NPNT: variants seen among roughly 807,000 people sequenced by gnomAD.
The protein encoded by NPNT is preosteoblast EGF-like repeat protein with MAM domain.
In NPNT, 45 loss-of-function variants were observed where a neutral mutation model predicts 68.6. That is an observed-to-expected ratio of 0.66 (90% CI 0.52 to 0.84). The LOEUF (loss-of-function observed/expected upper bound fraction) is 0.84. Ranked by LOEUF, NPNT falls within the 40% of genes least tolerant of loss-of-function variation. The pLI, the probability that NPNT is intolerant of heterozygous loss-of-function variation, is 0.00. For synonymous variants in NPNT, 233 were observed against 253.3 expected, an observed-to-expected ratio of 0.92 and a Z score of 0.76; for missense variants, 672 against 714.8, an observed-to-expected ratio of 0.94 and a Z score of 0.68.
At chr4:105,943,705 C>T (rs535285614) in intron 8 of NPNT, among the ~76,000 whole-genome samples, 96 of 152,326 alleles carry the variant, frequency 6.3e-4, no homozygotes, top group African/African-American at 2.2e-3. Flanking sequence ...CCTTTGCATT[C>T]ACTCTTCCTG....
intron 2 of NPNT, among the ~76,000 whole-genome samples, chr4:105,925,137 G>A (rs1467763453): frequency 6.6e-6 from 1 of 152,116 alleles, no homozygotes; most frequent in East Asian, 1.9e-4. Context: ...CATCCGCCTA[G>A]TGTACAGTTG....
At chr4:105,927,481 C>A in intron 3 of NPNT, 53 bp downstream of exon 3, 2 of 1,055,290 alleles carry the variant, frequency 1.9e-6, no homozygotes, top group Admixed American at 2.2e-5. Flanking sequence ...CTATCACTCC[C>A]AAATTAAAAA....
At chr4:105,966,458 A>G (rs994368746) in intron 10 of NPNT, among the ~76,000 whole-genome samples, 2 of 152,190 alleles carry the variant, frequency 1.3e-5, no homozygotes, top group South Asian at 4.1e-4. Context: ...GTTCATGTAT[A>G]TATAATAGGA....
intron 1 of NPNT, among the ~76,000 whole-genome samples, 177 bp from the exon 2 acceptor site, chr4:105,897,724 A>G (rs1388491973): frequency 2.0e-5 from 3 of 152,220 alleles, no homozygotes; most frequent in Non-Finnish European, 2.9e-5. Context: ...ATTTGACATT[A>G]GATCATAGCA....
chr4:105,946,033 C>T (rs1346665897), intron 8 of NPNT, among the ~76,000 whole-genome samples: 1 of 152,082 alleles, frequency 6.6e-6, no homozygotes, highest in East Asian at 1.9e-4. Flanking sequence ...TGAGCAAAAC[C>T]AGAAATCAGA....
intron 2 of NPNT, among the ~76,000 whole-genome samples, chr4:105,916,321 T>A (rs1370106316): frequency 6.6e-6 from 1 of 151,912 alleles, no homozygotes; most frequent in African/African-American, 2.4e-5. Context: ...CCAGGTTCAA[T>A]GGACTCTCCT....
intron 3 of NPNT, among the ~76,000 whole-genome samples, chr4:105,933,410 G>A (rs1729272990): frequency 6.6e-6 from 1 of 152,146 alleles, no homozygotes; most frequent in South Asian, 2.1e-4. Context: ...ATAGGTTTAA[G>A]AACTTAGAAT....
At chr4:105,918,354 A>C (rs918003918) in intron 2 of NPNT, among the ~76,000 whole-genome samples, 10 of 152,186 alleles carry the variant, frequency 6.6e-5, no homozygotes, top group Non-Finnish European at 1.3e-4. Flanking sequence ...GGTTACATTA[A>C]AATTTTCTGG....
At chr4:105,897,865 G>A (rs1725994170) in intron 1 of NPNT, 36 bp from the exon 2 acceptor site, 2 of 1,504,480 alleles carry the variant, frequency 1.3e-6, no homozygotes, top group African/African-American at 1.4e-5. Flanking sequence ...CTTCTCAAAA[G>A]TGTCCTTATT....
Position 105,942,527 on chromosome 4 carries a change from A to T in NPNT, c.984A>T (p.Pro328=). 6.2e-7 allele frequency: 1 copy of T among 1,607,448 alleles called. No homozygotes were observed. The change falls in exon 8 of 12, where the codon CCA becomes CCT. Residue 328 remains proline, a synonymous_variant. Coordinates refer to ENST00000379987, the MANE Select transcript of NPNT (RefSeq NM_001033047.3). ...PTPKPTPIPT[P]PPPPPLPTEL... is the part of the protein sequence containing the mutation. ...CAAAGCCAACACCAATTCCTACTCC[A>T]CCACCACCACCACCCCTGCCAACAG...
Position 105,969,006 on chromosome 4 carries a change from C to T in NPNT, c.*16C>T. The T allele has an allele frequency of 7.0e-7, 1 of 1,422,238 alleles. No individual in the cohort carries two copies. The highest frequency in any genetic ancestry group is 2.5e-5 in the East Asian group (1 of 40,532). The allele number at this position is 1,422,238 out of a possible 1,614,324, so 88.1% of individuals were successfully genotyped here. ...AGAACGCTAACAACTCCAGAACTAA[C>T]AATGAACTCCTATGTTGCTCTATCC... On this transcript the variant is annotated 3_prime_UTR_variant, in exon 12 of 12. Transcript: ENST00000379987.
chr4:105,943,478 C>A (rs1487193147), intron 8 of NPNT, among the ~76,000 whole-genome samples: 1 of 152,160 alleles, frequency 6.6e-6, no homozygotes, highest in Non-Finnish European at 1.5e-5. Flanking sequence ...TAGACCTACA[C>A]TGGGGCTGGA....
In NPNT at chr4:105,968,850, A is replaced by T. The variant is rs771449490; in HGVS notation, c.1603-45A>T. 63 of 1,143,840 alleles carry T rather than the reference A, an allele frequency of 5.5e-5. 1 individual carries two copies. Among genetic ancestry groups the T allele is most frequent in the Non-Finnish European group, 2.6e-6 (2 of 772,964 alleles). 70.9% of individuals were successfully genotyped at this position (1,143,840 alleles called of 1,614,324 possible). On this transcript the variant is annotated intron_variant, in intron 11 of 11. Coordinates refer to ENST00000379987, the MANE Select transcript of NPNT (RefSeq NM_001033047.3). ...TTTTTGCTTAATAAGGAGGCATTAG[A>T]AAGGGGCAGAGGAGGCTTGACTGGT... is the stretch of plus-strand genomic sequence containing the variant.
intron 3 of NPNT, among the ~76,000 whole-genome samples, chr4:105,936,139 A>G (rs187550367): frequency 1.0e-3 from 157 of 152,334 alleles, no homozygotes; most frequent in Non-Finnish European, 4.6e-4. Flanking sequence ...TTCATAATGT[A>G]AAATTTGTTG....
intron 2 of NPNT, among the ~76,000 whole-genome samples, chr4:105,899,258 T>A (rs1362628601): frequency 6.6e-6 from 1 of 152,178 alleles, no homozygotes; most frequent in Non-Finnish European, 1.5e-5. Flanking sequence ...CTACCTGGTA[T>A]GGAATTTGAG....
At chr4:105,923,312 A>G (rs543224214) in intron 2 of NPNT, among the ~76,000 whole-genome samples, 1 of 149,938 alleles carries the variant, frequency 6.7e-6, no homozygotes, top group African/African-American at 2.4e-5. Context: ...ATGTAGAAAT[A>G]AAGTTTTTTT....
chr4:105,958,199 T>C (rs1180353900), intron 8 of NPNT, among the ~76,000 whole-genome samples: 1 of 152,202 alleles, frequency 6.6e-6, no homozygotes, highest in African/African-American at 2.4e-5. Flanking sequence ...TAAAATGTAT[T>C]TTCCAGATAA....
chr4:105,959,288 A>G (rs28560134), intron 10 of NPNT, among the ~76,000 whole-genome samples, 162 bp downstream of exon 10: 13,200 of 152,248 alleles, frequency 0.087, 710 homozygotes, highest in African/African-American at 0.15. Flanking sequence ...ATTTCTTTGA[A>G]AGAGTTAAAT....
In NPNT at chr4:105,970,703, T is replaced by G; in HGVS notation, c.*1713T>G. 2.1e-6 allele frequency: 1 copy of G among 473,366 alleles called. No homozygotes were observed. Among genetic ancestry groups the G allele is most frequent in the Non-Finnish European group, 3.9e-6 (1 of 255,986 alleles). The allele number at this position is 473,366 out of a possible 1,614,324, so 29.3% of individuals were successfully genotyped here. ...TTCTAAAAAATTAGATAAAAATTTG[T>G]CTATTTAAGATGGTTAAAGATGTTC... On this transcript the variant is annotated 3_prime_UTR_variant, in exon 12 of 12. Coordinates refer to ENST00000379987, the MANE Select transcript of NPNT (RefSeq NM_001033047.3).
Sources: gnomAD v4.1 joint callset for allele counts (sites outside exome capture counted in the v4.1 genomes callset) on GRCh38, gnomAD v4.1.1 for gene constraint, MANE v1.5 for transcripts, NCBI Gene and HGNC (gene_info 2026-07-23, HGNC 2026-07-21) for gene names.